The following TTYH3 variants were observed in gnomAD, a reference collection of about 807,000 sequenced individuals.
TTYH3 encodes the protein tweety family member 3.
TTYH3 carries 23 observed loss-of-function variants against 68.2 expected under a neutral mutation model. The observed-to-expected ratio is 0.34, with a 90% CI of 0.24 to 0.48. The LOEUF (loss-of-function observed/expected upper bound fraction) is 0.48. Ranked by LOEUF, TTYH3 falls within the 20% of genes least tolerant of loss-of-function variation. TTYH3 has a pLI of 0.99. For synonymous variants in TTYH3, 360 were observed against 332.8 expected, an observed-to-expected ratio of 1.08 and a Z score of -0.89; for missense variants, 768 against 727.7, an observed-to-expected ratio of 1.06 and a Z score of -0.64.
At chr7:2,644,901 C>T (rs1299120013) in intron 1 of TTYH3, among the ~76,000 whole-genome samples, 1 of 152,234 alleles carries the variant, frequency 6.6e-6, no homozygotes, top group Non-Finnish European at 1.5e-5. Context: ...GATCCAGCAG[C>T]AATCCCATTG....
At chr7:2,633,389 A>G (rs1227817941) in intron 1 of TTYH3, among the ~76,000 whole-genome samples, 1 of 152,142 alleles carries the variant, frequency 6.6e-6, no homozygotes, top group Non-Finnish European at 1.5e-5. Context: ...GTGGAGGAGC[A>G]GGGCACCTGG....
Position 2,660,140 on chromosome 7 carries a change from G to T in TTYH3, c.1500+1125G>T. The T allele has an allele frequency of 2.5e-6, 3 of 1,210,798 alleles. No individual in the cohort carries two copies. In the South Asian group the frequency reaches 4.4e-5, roughly 18 times the overall value. The allele number at this position is 1,210,798 out of a possible 1,614,324, so 75.0% of individuals were successfully genotyped here. On this transcript the variant is annotated intron_variant, in intron 13 of 13. Coordinates refer to ENST00000258796, the MANE Select transcript of TTYH3 (RefSeq NM_025250.3). Reference sequence around the variant, plus strand: ...GCCCTCCCGTCGGCACTGAGCTGGGGCTCCATCTGTCCGGCTCCTGTTGGC... The same window carrying T: ...GCCCTCCCGTCGGCACTGAGCTGGGTCTCCATCTGTCCGGCTCCTGTTGGC...
intron 1 of TTYH3, among the ~76,000 whole-genome samples, chr7:2,635,207 T>G (rs1022331007): frequency 6.6e-6 from 1 of 152,138 alleles, no homozygotes; most frequent in African/African-American, 2.4e-5. Flanking sequence ...CCGGGGCCAG[T>G]CAGTGCTGCA....
At chr7:2,646,295 G>C (rs1260397306) in intron 1 of TTYH3, among the ~76,000 whole-genome samples, 1 of 152,220 alleles carries the variant, frequency 6.6e-6, no homozygotes, top group Non-Finnish European at 1.5e-5. Flanking sequence ...GATTACAGGC[G>C]TGAGCCACCC....
chr7:2,632,754 G>A (rs1785555337), intron 1 of TTYH3, among the ~76,000 whole-genome samples: 1 of 152,256 alleles, frequency 6.6e-6, no homozygotes, highest in Admixed American at 6.5e-5. Flanking sequence ...GTGCAGGCAG[G>A]CAGAGACTCC....
intron 5 of TTYH3, 60 bp downstream of exon 5, chr7:2,648,114 A>AT: frequency 6.7e-7 from 1 of 1,495,940 alleles, no homozygotes; most frequent in Non-Finnish European, 9.1e-7. Context: ...GCAAGGCACC[A>AT]TGTTACCCCT....
rs1259783729 is a variant in TTYH3 at position 2,645,797 on chromosome 7, G to T, written c.124-1056G>T. 1 of 470,960 alleles carries T rather than the reference G, an allele frequency of 2.1e-6. No homozygotes were observed. Among genetic ancestry groups the T allele is most frequent in the South Asian group, 1.5e-5 (1 of 64,556 alleles). The allele number at this position is 470,960 out of a possible 1,614,324, so 29.2% of individuals were successfully genotyped here. ...AAACACTTTCATGGTCAGCAAGAGG[G>T]GGTTCAGTCCCCCACAGGCTCCCAA... is the stretch of plus-strand genomic sequence containing the variant. On this transcript the variant is annotated intron_variant, in intron 1 of 13. Coordinates refer to ENST00000258796, the MANE Select transcript of TTYH3 (RefSeq NM_025250.3). The surrounding 1 kb of genome is among the most constrained non-coding windows in gnomAD (Gnocchi z 4.8).
chr7:2,647,032 G>A lies in TTYH3; in HGVS notation c.293+10G>A, dbSNP rs1296645482. On this transcript the variant is annotated intron_variant, in intron 2 of 13. Transcript: ENST00000258796. ...CCACGCTGGTGTGCAGGTGAGCGCG[G>A]TGGGGCGGGGACGGAGGGCGGGGCC... The A allele has an allele frequency of 2.6e-6, 4 of 1,546,104 alleles. No homozygotes were observed. The Admixed American group carries it at 7.8e-5, about 30-fold the overall frequency.
chr7:2,646,676 G>A (rs1785991951), intron 1 of TTYH3, among the ~76,000 whole-genome samples, 177 bp from the exon 2 acceptor site: 1 of 152,232 alleles, frequency 6.6e-6, no homozygotes, highest in African/African-American at 2.4e-5. Flanking sequence ...GACCCCAGGT[G>A]CATCACTGAG....
In TTYH3 at chr7:2,658,474, G is replaced by T. The variant is rs1786401353; in HGVS notation, c.1424+15G>T. 6.3e-7 allele frequency: 1 copy of T among 1,595,666 alleles called. No homozygotes were observed. Among genetic ancestry groups the T allele is most frequent in the Non-Finnish European group, 8.6e-7 (1 of 1,166,950 alleles). On this transcript the variant is annotated intron_variant, in intron 12 of 13. Transcript: ENST00000258796. ...ACTGAGTACATGTGAGTTGACGTGG[G>T]CCTAGTGGGGCCAGCGGACACGTCA...
intron 1 of TTYH3, among the ~76,000 whole-genome samples, chr7:2,637,780 G>A (rs1025510878): frequency 5.3e-5 from 8 of 152,164 alleles, no homozygotes; most frequent in African/African-American, 1.9e-4. Flanking sequence ...ATGTTCTGCA[G>A]GGAGCCCACC....
In TTYH3 at chr7:2,656,119, C is replaced by A; in HGVS notation, c.1048C>A (p.Leu350Met). The A allele has an allele frequency of 6.4e-7, 1 of 1,564,812 alleles. No individual in the cohort carries two copies. Among genetic ancestry groups the A allele is most frequent in the South Asian group, 1.2e-5 (1 of 84,858 alleles). The change falls in exon 10 of 14, where the codon CTG becomes ATG. Residue 350 changes from leucine to methionine, a missense_variant. By Grantham distance (15) the Leu-to-Met change is conservative. Coordinates refer to ENST00000258796, the MANE Select transcript of TTYH3 (RefSeq NM_025250.3). ...CCCCCTCCTCCGCGTCCAGGAGGTGCTGAATGGCACGGAGGTGAACCTGCA... is the reference window on the plus strand; with the variant it reads ...CCCCCTCCTCCGCGTCCAGGAGGTGATGAATGGCACGGAGGTGAACCTGCA... ...KDPLLRVQEV[L>M]NGTEVNLQHL...
chr7:2,658,724 G>A (rs1786407611), intron 12 of TTYH3, among the ~76,000 whole-genome samples: 7 of 152,226 alleles, frequency 4.6e-5, no homozygotes, highest in Admixed American at 4.6e-4. Flanking sequence ...GTGAACAGGT[G>A]GCTCGGAGGG....
At chr7:2,637,060 G>C (rs1785696429) in intron 1 of TTYH3, among the ~76,000 whole-genome samples, 1 of 152,114 alleles carries the variant, frequency 6.6e-6, no homozygotes, top group African/African-American at 2.4e-5. Context: ...GATCTCCCCA[G>C]TTCTAGCATC....
At chr7:2,641,441 G>A (rs1230135935) in intron 1 of TTYH3, among the ~76,000 whole-genome samples, 1 of 152,032 alleles carries the variant, frequency 6.6e-6, no homozygotes, top group Non-Finnish European at 1.5e-5. Flanking sequence ...CCTAGGGTGG[G>A]GGCAGGGGGA....
intron 13 of TTYH3, 143 bp from the exon 14 acceptor site, chr7:2,661,525 T>C (rs1215157880): frequency 2.5e-6 from 2 of 814,672 alleles, no homozygotes; most frequent in South Asian, 1.6e-5. Context: ...CCCCTCCCTA[T>C]AGGCTCTGTC....
intron 12 of TTYH3, 114 bp from the exon 13 acceptor site, chr7:2,658,826 G>T: frequency 9.8e-7 from 1 of 1,018,768 alleles, no homozygotes; most frequent in Non-Finnish European, 1.5e-6. Context: ...GGGACCCCCA[G>T]TGAGAATGGA....
intron 9 of TTYH3, among the ~76,000 whole-genome samples, chr7:2,655,308 G>T (rs556539508): frequency 2.0e-5 from 3 of 152,212 alleles, no homozygotes; most frequent in South Asian, 2.1e-4. Context: ...ACCACGCCTG[G>T]CTAATTTTTG....
At chr7:2,652,348 C>T in intron 8 of TTYH3, 106 bp downstream of exon 8, 1 of 942,716 alleles carries the variant, frequency 1.1e-6, no homozygotes, top group Non-Finnish European at 1.7e-6. Flanking sequence ...GCCTGCAGGA[C>T]TGGGGAACTG....
Sources: gnomAD v4.1 joint callset for allele counts (sites outside exome capture counted in the v4.1 genomes callset) on GRCh38, gnomAD v4.1.1 for gene constraint, Gnocchi (gnomAD v3.1) non-coding constraint, MANE v1.5 for transcripts, NCBI Gene and HGNC (gene_info 2026-07-23, HGNC 2026-07-21) for gene names.